The following HAS2 variants were observed in gnomAD, a reference collection of about 807,000 sequenced individuals.
HAS2 encodes hyaluronan synthase 2, also known as HA synthase 2.
HAS2 carries 16 observed loss-of-function variants against 51.6 expected under a neutral mutation model. That is an observed-to-expected ratio of 0.31 (90% CI 0.21 to 0.47). The LOEUF (loss-of-function observed/expected upper bound fraction) is 0.47, where lower values mean the gene tolerates loss of function less well. Among genes scored for constraint, HAS2 ranks in the 20% least tolerant of loss-of-function variants. The pLI is 1.00. For missense variants in HAS2, 361 were observed against 662.6 expected, an observed-to-expected ratio of 0.54 and a Z score of 5.00; for synonymous variants, 228 against 235.5, an observed-to-expected ratio of 0.97 and a Z score of 0.29.
At position 121,628,349 on chromosome 8, in the gene HAS2, C is replaced by A. The variant is rs75380009; in HGVS notation, c.627+365G>T. ...CTTCTGCTCAGGCAGACACTATTTT[C>A]TTACAAAGCTGGAGAGTTTTAGAGT... On this transcript the variant is annotated intron_variant, in intron 2 of 3. Transcript: ENST00000303924. Among the ~76,000 whole-genome samples, 1,464 of 152,144 alleles carry A rather than the reference C, an allele frequency of 9.6e-3. 22 individuals carry two copies. The highest frequency in any genetic ancestry group is 0.033 in the African/African-American group (1,363 of 41,486).
At position 121,613,483 on chromosome 8, in the gene HAS2, T is replaced by C. The variant is rs981863619; in HGVS notation, c.*626A>G. On this transcript the variant is annotated 3_prime_UTR_variant, in exon 4 of 4. Transcript: ENST00000303924. ...CACATTTTGGGCAGGATTTTTTAAG[T>C]ATAAATTTTTTAAGAACTTATTTTA... The C allele has an allele frequency of 6.6e-6, 1 of 152,600 alleles. No individual in the cohort carries two copies. The highest frequency in any genetic ancestry group is 2.4e-5 in the African/African-American group (1 of 41,456). 9.5% of individuals were successfully genotyped at this position (152,600 alleles called of 1,614,324 possible). A position where few individuals can be genotyped will look rare whatever the true frequency, so the allele number is the denominator to read the frequency against.
chr8:121,624,861 C>T (rs1812819966), intron 2 of HAS2, among the ~76,000 whole-genome samples: 1 of 151,988 alleles, frequency 6.6e-6, no homozygotes, highest in Non-Finnish European at 1.5e-5. Flanking sequence ...TTTGGGAGGC[C>T]GAGGCGGGTG....
intron 1 of HAS2, chr8:121,639,615 A>T (rs1813061751): frequency 6.5e-6 from 1 of 152,940 alleles, no homozygotes; most frequent in South Asian, 2.1e-4. Context: ...CTGTGCTCCC[A>T]GCGCCTCTTT....
rs547770873 is a variant in HAS2, at chr8:121,616,971, G to A, written c.729+134C>T. 8 of 601,440 alleles carry A rather than the reference G, an allele frequency of 1.3e-5. No individual in the cohort carries two copies. The Admixed American group carries it at 1.6e-4, about 12-fold the overall frequency. The allele number at this position is 601,440 out of a possible 1,614,324, so 37.3% of individuals were successfully genotyped here. A position where few individuals can be genotyped will look rare whatever the true frequency, so the allele number is the denominator to read the frequency against. Reference sequence around the variant, plus strand: ...AAGCAGATCCAAGGCACATTTTAATGTGTCTCAAGCACCAACAACAACACC... The same window carrying A: ...AAGCAGATCCAAGGCACATTTTAATATGTCTCAAGCACCAACAACAACACC... On this transcript the variant is annotated intron_variant, in intron 3 of 3. Transcript: ENST00000303924.
chr8:121,630,899 A>C (rs1191441403), intron 1 of HAS2, among the ~76,000 whole-genome samples: 1 of 152,172 alleles, frequency 6.6e-6, no homozygotes, highest in Non-Finnish European at 1.5e-5. Flanking sequence ...TACATTGAGA[A>C]GGTCCTAAGG....
intron 1 of HAS2, among the ~76,000 whole-genome samples, chr8:121,633,272 A>C (rs1812960066): frequency 1.3e-5 from 2 of 151,434 alleles, no homozygotes; most frequent in Admixed American, 6.6e-5. Context: ...CAGTCTCCCG[A>C]GTAGCTGGGA....
intron 2 of HAS2, among the ~76,000 whole-genome samples, chr8:121,624,580 T>C (rs1812816070): frequency 6.6e-6 from 1 of 152,222 alleles, no homozygotes; most frequent in Admixed American, 6.5e-5. Flanking sequence ...CAAAGAATTC[T>C]GGATATGTAG....
intron 1 of HAS2, among the ~76,000 whole-genome samples, chr8:121,633,222 T>C (rs1812958894): frequency 6.7e-6 from 1 of 149,748 alleles, no homozygotes; most frequent in Non-Finnish European, 1.5e-5. Flanking sequence ...CTTGGCTCAC[T>C]GTAACCTCCC....
Position 121,613,473 on chromosome 8 carries a change from AT to A in HAS2, c.*635del, listed in dbSNP as rs1396727383. ...AACCAAGCTTCACATTTTGGGCAGG[AT>A]TTTTTAAGTATAAATTTTTTAAGAA... On this transcript the variant is annotated 3_prime_UTR_variant, in exon 4 of 4. Transcript: ENST00000303924. 6.6e-6 allele frequency: 1 copy of A among 152,622 alleles called. No homozygotes were observed. The highest frequency in any genetic ancestry group is 1.9e-4 in the East Asian group (1 of 5,204). 9.5% of individuals were successfully genotyped at this position (152,622 alleles called of 1,614,324 possible).
At chr8:121,624,443 T>A (rs973925841) in intron 2 of HAS2, among the ~76,000 whole-genome samples, 3 of 152,220 alleles carry the variant, frequency 2.0e-5, no homozygotes, top group African/African-American at 4.8e-5. Flanking sequence ...GACCACCTAC[T>A]GACTGCAATT....
chr8:121,627,553 T>G (rs1812870469), intron 2 of HAS2, among the ~76,000 whole-genome samples: 1 of 152,230 alleles, frequency 6.6e-6, no homozygotes, highest in South Asian at 2.1e-4. Flanking sequence ...GCTTTAATTA[T>G]ATCAATGATA....
chr8:121,628,002 C>T (rs1486466914), intron 2 of HAS2, among the ~76,000 whole-genome samples: 2 of 151,992 alleles, frequency 1.3e-5, no homozygotes, highest in Non-Finnish European at 2.9e-5. Context: ...AGAGGAGAAC[C>T]CCTATAGTGA....
At position 121,614,042 on chromosome 8, in the gene HAS2, C is replaced by T. The variant is rs764319793; in HGVS notation, c.*67G>A. The T allele has an allele frequency of 6.2e-7, 1 of 1,610,708 alleles. No homozygotes were observed. Among genetic ancestry groups the T allele is most frequent in the Non-Finnish European group, 8.5e-7 (1 of 1,179,672 alleles). On this transcript the variant is annotated 3_prime_UTR_variant, in exon 4 of 4. Transcript: ENST00000303924. The surrounding 1 kb of genome is among the most constrained non-coding windows in gnomAD (Gnocchi z 7.2). ...CCTTTGGTGGCATTATCTGATGCCA[C>T]AATACTGTACAGCCCCTAGAGGAAC...
At chr8:121,638,520 T>C (rs2130455693) in intron 1 of HAS2, among the ~76,000 whole-genome samples, 1 of 152,288 alleles carries the variant, frequency 6.6e-6, no homozygotes, top group Non-Finnish European at 1.5e-5. Flanking sequence ...AGGTGATATC[T>C]AAGAAAAAAC....
At chr8:121,638,405 T>C (rs969370536) in intron 1 of HAS2, among the ~76,000 whole-genome samples, 1 of 152,212 alleles carries the variant, frequency 6.6e-6, no homozygotes, top group Admixed American at 6.5e-5. Flanking sequence ...ATAAACTGCA[T>C]AACTTTCTTT....
Position 121,613,731 on chromosome 8 carries a change from A to G in HAS2, c.*378T>C, listed in dbSNP as rs555494849. ...AAATTATCATCTATCAAAACAGTCCATAAGTTAGGTTGTATAGGTTGAAAG... is the reference window on the plus strand; with the variant it reads ...AAATTATCATCTATCAAAACAGTCCGTAAGTTAGGTTGTATAGGTTGAAAG... On this transcript the variant is annotated 3_prime_UTR_variant, in exon 4 of 4. Transcript: ENST00000303924. 1.9e-5 allele frequency: 4 copies of G among 210,496 alleles called. No individual in the cohort carries two copies. The highest frequency in any genetic ancestry group is 9.3e-5 in the African/African-American group (4 of 43,098). The allele number at this position is 210,496 out of a possible 1,614,324, so 13.0% of individuals were successfully genotyped here.
chr8:121,624,628 G>T (rs7016481), intron 2 of HAS2, among the ~76,000 whole-genome samples: 46,948 of 152,028 alleles, frequency 0.31, 7,756 homozygotes, highest in African/African-American at 0.42. Context: ...CATTTCCTCC[G>T]ATAATCTTCC....
chr8:121,632,735 C>CTCA (rs78052408), intron 1 of HAS2, among the ~76,000 whole-genome samples: 133 of 148,130 alleles, frequency 9.0e-4, no homozygotes, highest in Non-Finnish European at 1.4e-3. Context: ...TGCAAATTTA[C>CTCA]TCATCATCAT....
intron 1 of HAS2, among the ~76,000 whole-genome samples, chr8:121,634,343 A>G (rs1025653008): frequency 9.2e-5 from 14 of 151,936 alleles, no homozygotes; most frequent in East Asian, 1.9e-4. Context: ...AAAGACTACA[A>G]TTAGGTCTGA....
Sources: gnomAD v4.1 joint callset for allele counts (sites outside exome capture counted in the v4.1 genomes callset) on GRCh38, gnomAD v4.1.1 for gene constraint, Gnocchi (gnomAD v3.1) non-coding constraint, MANE v1.5 for transcripts, NCBI Gene and HGNC (gene_info 2026-07-23, HGNC 2026-07-21) for gene names.